Variants in FLT1 observed in about 807,000 individuals in gnomAD.
The protein encoded by FLT1 is fms related receptor tyrosine kinase 1.
Under a neutral mutation model 156.3 loss-of-function variants are expected in FLT1, and 49 were observed. That is an observed-to-expected ratio of 0.31 (90% CI 0.25 to 0.40). FLT1 has a LOEUF of 0.40. Ranked by LOEUF, FLT1 falls within the 10% of genes least tolerant of loss-of-function variation. FLT1 has a pLI of 1.00. For missense variants in FLT1, 1,322 were observed against 1,637.2 expected, an observed-to-expected ratio of 0.81 and a Z score of 3.32; for synonymous variants, 594 against 583.8, an observed-to-expected ratio of 1.02 and a Z score of -0.25.
At chr13:28,329,792 C>T in intron 18 of FLT1, 64 bp from the exon 19 acceptor site, 1 of 1,304,154 alleles carries the variant, frequency 7.7e-7, no homozygotes, top group Non-Finnish European at 1.1e-6. Flanking sequence ...CCGGAGGCGG[C>T]ATTCTTGCCC....
At position 28,466,886 on chromosome 13, in the gene FLT1, GA is replaced by G; in HGVS notation, c.388+16del. On this transcript the variant is annotated intron_variant, in intron 3 of 29. Transcript: ENST00000282397. Reference sequence around the variant, plus strand: ...GCAAAGCAAAAGCAAACAGAATGTAGAAAATGGAAGTCTTACCACTAATAAA... The same window carrying G: ...GCAAAGCAAAAGCAAACAGAATGTAGAAATGGAAGTCTTACCACTAATAAA... 1 of 1,533,318 alleles carries G rather than the reference GA, an allele frequency of 6.5e-7. No homozygotes were observed. The highest frequency in any genetic ancestry group is 9.0e-7 in the Non-Finnish European group (1 of 1,106,370). 95.0% of individuals were successfully genotyped at this position (1,533,318 alleles called of 1,614,324 possible).
chr13:28,426,849 G>T (rs1877371241), intron 10 of FLT1, among the ~76,000 whole-genome samples: 1 of 152,208 alleles, frequency 6.6e-6, no homozygotes, highest in African/African-American at 2.4e-5. Flanking sequence ...GGGATCTTCA[G>T]TTGAGAAACA....
chr13:28,351,147 C>T (rs948748168), intron 15 of FLT1, among the ~76,000 whole-genome samples: 4 of 151,994 alleles, frequency 2.6e-5, no homozygotes, highest in Admixed American at 2.0e-4. Context: ...GACCTAAGTA[C>T]TCATCAATTT....
intron 25 of FLT1, among the ~76,000 whole-genome samples, chr13:28,315,817 C>T (rs1489458334): frequency 1.3e-5 from 2 of 152,138 alleles, no homozygotes; most frequent in East Asian, 3.9e-4. Flanking sequence ...GGGGTCTGTT[C>T]CTAATTCATC....
chr13:28,382,889 A>T (rs992178799), intron 14 of FLT1, among the ~76,000 whole-genome samples: 5 of 152,182 alleles, frequency 3.3e-5, no homozygotes, highest in Non-Finnish European at 5.9e-5. Context: ...AGACATTTGC[A>T]GATATCTTAA....
At chr13:28,383,523 C>T (rs1227449124) in intron 14 of FLT1, among the ~76,000 whole-genome samples, 9 of 152,062 alleles carry the variant, frequency 5.9e-5, no homozygotes, top group South Asian at 4.2e-4. Context: ...ATTAGCCAGG[C>T]GTGGTGGCGG....
intron 20 of FLT1, among the ~76,000 whole-genome samples, chr13:28,326,078 G>C (rs1163082584): frequency 6.6e-6 from 1 of 152,088 alleles, no homozygotes; most frequent in Non-Finnish European, 1.5e-5. Flanking sequence ...TACGAAGTTG[G>C]ACTCACCCAA....
At chr13:28,331,853 G>A (rs529289176) in intron 18 of FLT1, among the ~76,000 whole-genome samples, 83 of 144,912 alleles carry the variant, frequency 5.7e-4, no homozygotes, top group African/African-American at 2.1e-3. Flanking sequence ...AATGCTGATG[G>A]CTAAAAAAAA....
intron 14 of FLT1, among the ~76,000 whole-genome samples, chr13:28,369,697 C>A (rs575427217): frequency 6.6e-6 from 1 of 152,084 alleles, no homozygotes; most frequent in African/African-American, 2.4e-5. Context: ...AAAAAGTTGA[C>A]GTATGGGATA....
Position 28,422,100 on chromosome 13 carries a change from C to T in FLT1, c.1436+5059G>A, listed in dbSNP as rs1593774434. Among the ~76,000 whole-genome samples the T allele has an allele frequency of 2.6e-5, 4 of 152,196 alleles. No individual in the cohort carries two copies. The South Asian group carries it at 6.2e-4, about 24-fold the overall frequency. On this transcript the variant is annotated intron_variant, in intron 10 of 29. Coordinates refer to ENST00000282397, the MANE Select transcript of FLT1 (RefSeq NM_002019.4). The stretch of plus-strand genomic sequence containing the variant: ...AGTGGTATTACCTTTATGTTTTACA[C>T]GTGGTTGGTGCCTAATAAATATTTG...
chr13:28,368,340 C>G, intron 14 of FLT1: 1 of 710,534 alleles, frequency 1.4e-6, no homozygotes. Context: ...TTAATAGAGA[C>G]AGCATTTCAC....
At chr13:28,310,014 T>A (rs996932156) in intron 27 of FLT1, among the ~76,000 whole-genome samples, 1 of 144,966 alleles carries the variant, frequency 6.9e-6, no homozygotes, top group Non-Finnish European at 1.5e-5. Flanking sequence ...CTCAGCCTCC[T>A]GAGTAGCTGG....
In FLT1 at chr13:28,321,356, A is replaced by G. The variant is rs1466530575; in HGVS notation, c.3174+107T>C. On this transcript the variant is annotated intron_variant, in intron 23 of 29. Transcript: ENST00000282397. ...GACTGTTTGTCTTCACAGAAAGCCAATGATGGTTTTCAGGGACTACAGCTG... is the reference window on the plus strand; with the variant it reads ...GACTGTTTGTCTTCACAGAAAGCCAGTGATGGTTTTCAGGGACTACAGCTG... The G allele has an allele frequency of 1.0e-5, 14 of 1,355,696 alleles. No individual in the cohort carries two copies. In the Admixed American group the frequency reaches 1.2e-4, roughly 11 times the overall value. 84.0% of individuals were successfully genotyped at this position (1,355,696 alleles called of 1,614,324 possible).
chr13:28,322,934 G>T lies in FLT1; in HGVS notation c.2809C>A (p.His937Asn). 3 of 1,614,100 alleles carry T rather than the reference G, an allele frequency of 1.9e-6. No homozygotes were observed. The South Asian group carries it at 3.3e-5, about 18-fold the overall frequency. The change falls in exon 21 of 30, where the codon CAC becomes AAC. Residue 937 changes from histidine to asparagine, a missense_variant. Physicochemically the swap from His to Asn is moderately conservative, Grantham distance 68 (BLOSUM62 1). Coordinates refer to ENST00000282397, the MANE Select transcript of FLT1 (RefSeq NM_002019.4). This position sits in a 1 kb window ranked among gnomAD's most constrained non-coding sequence, Gnocchi z 4.3. ...ATTTTTTCTTTCTTAGGCTCCATGTGTAGTGCTGCATCCTTTGAAGAGACC... is the reference window on the plus strand; with the variant it reads ...ATTTTTTCTTTCTTAGGCTCCATGTTTAGTGCTGCATCCTTTGAAGAGACC... ...LFFLNKDAAL[H>N]MEPKKEKMEP...
At chr13:28,429,851 C>T (rs142848107) in intron 8 of FLT1, among the ~76,000 whole-genome samples, 199 bp downstream of exon 8, 1 of 152,206 alleles carries the variant, frequency 6.6e-6, no homozygotes, top group East Asian at 1.9e-4. Flanking sequence ...CCTCATCTCT[C>T]GCTTACCTTG....
At chr13:28,486,210 G>C (rs1432587396) in intron 1 of FLT1, among the ~76,000 whole-genome samples, 1 of 152,244 alleles carries the variant, frequency 6.6e-6, no homozygotes, top group South Asian at 2.1e-4. Flanking sequence ...CAGGAAGGGG[G>C]AAGCAGTTTG....
chr13:28,475,969 C>T (rs1414228469), intron 1 of FLT1, among the ~76,000 whole-genome samples: 3 of 152,148 alleles, frequency 2.0e-5, no homozygotes, highest in Non-Finnish European at 2.9e-5. Flanking sequence ...ATGTGAAAGT[C>T]ATGGGGATTC....
chr13:28,402,946 A>G (rs1444025975), intron 11 of FLT1, among the ~76,000 whole-genome samples: 1 of 151,786 alleles, frequency 6.6e-6, no homozygotes, highest in African/African-American at 2.4e-5. Flanking sequence ...CGCCCGGCTA[A>G]TTTTTGTATT....
At chr13:28,353,564 C>T (rs1343236925) in intron 15 of FLT1, among the ~76,000 whole-genome samples, 1 of 120,944 alleles carries the variant, frequency 8.3e-6, no homozygotes, top group Non-Finnish European at 1.7e-5. Context: ...CAGACCAAGA[C>T]TGTGTCTCAA....
Sources: gnomAD v4.1 joint callset for allele counts (sites outside exome capture counted in the v4.1 genomes callset) on GRCh38, gnomAD v4.1.1 for gene constraint, Gnocchi (gnomAD v3.1) non-coding constraint, MANE v1.5 for transcripts, NCBI Gene and HGNC (gene_info 2026-07-23, HGNC 2026-07-21) for gene names.